The following ATP2A3 variants were observed in gnomAD, a reference collection of about 807,000 sequenced individuals.
ATP2A3 encodes sarcoplasmic/endoplasmic reticulum calcium ATPase 3.
Under a neutral mutation model 106.8 loss-of-function variants are expected in ATP2A3, and 61 were observed. The observed-to-expected ratio is 0.57, with a 90% CI of 0.46 to 0.71. The LOEUF (loss-of-function observed/expected upper bound fraction) is 0.71, where lower values mean the gene tolerates loss of function less well. Among genes scored for constraint, ATP2A3 ranks in the 30% least tolerant of loss-of-function variants. ATP2A3 has a pLI of 0.00. For missense variants in ATP2A3, 1,201 were observed against 1,423.5 expected (o/e 0.84, Z 2.52); for synonymous variants, 611 against 609.3 (o/e 1.00, Z -0.04).
At position 3,958,655 on chromosome 17, in the gene ATP2A3, G is replaced by A. The variant is rs117437983; in HGVS notation, c.119-4945C>T. Among the ~76,000 whole-genome samples, 575 of 151,070 alleles carry A rather than the reference G, an allele frequency of 3.8e-3. 1 individual carries two copies. The highest frequency in any genetic ancestry group is 0.02 in the South Asian group (95 of 4,766). ...ATTGTACACAATTATGGGGTCCAGC[G>A]TGATGTGTTGATAATCCCGTTTTGC... On this transcript the variant is annotated intron_variant, in intron 1 of 20. Transcript: ENST00000397041.
chr17:3,931,978 C>T lies in ATP2A3; in HGVS notation c.2611-1544G>A, dbSNP rs540153136. ...ATGCAGATAAGGCCACTCTGAGTAT[C>T]GTTTCTCCTCTCTCGTGCAGGAAGA... On this transcript the variant is annotated intron_variant, in intron 17 of 20. Transcript: ENST00000397041. Among the ~76,000 whole-genome samples the T allele has an allele frequency of 5.6e-4, 86 of 152,256 alleles. No homozygotes were observed. In the South Asian group the frequency reaches 0.017, roughly 31 times the overall value.
At position 3,936,721 on chromosome 17, in the gene ATP2A3, TACACACACACACACAC is replaced by T. The variant is rs57648128; in HGVS notation, c.2322-268_2322-253del. The T allele has an allele frequency of 3.2e-5, 13 of 407,238 alleles. No homozygotes were observed. Among genetic ancestry groups the T allele is most frequent in the South Asian group, 9.5e-5 (4 of 41,922 alleles). The allele number at this position is 407,238 out of a possible 1,614,324, so 25.2% of individuals were successfully genotyped here. A position where few individuals can be genotyped will look rare whatever the true frequency, so the allele number is the denominator to read the frequency against. ...CTCTTTAGGCCTAGCAGAGGCCAAG[TACACACACACACACAC>T]ACACACACACACACACACGCACACG... On this transcript the variant is annotated intron_variant, in intron 15 of 20. Coordinates refer to ENST00000397041, the MANE Select transcript of ATP2A3 (RefSeq NM_005173.4). This position sits in a 1 kb window ranked among gnomAD's most constrained non-coding sequence, Gnocchi z 5.4.
rs375810247 is a variant in ATP2A3, at chr17:3,947,682, G to A, written c.804C>T (p.Cys268=). Residue 268 remains cysteine, a synonymous_variant, in exon 8 of 21, where the codon TGC becomes TGT. Coordinates refer to ENST00000397041, the MANE Select transcript of ATP2A3 (RefSeq NM_005173.4). The surrounding 1 kb of genome is among the most constrained non-coding windows in gnomAD (Gnocchi z 7.7). ...RQLSHAISVI[C]VAVWVINIGH... ...CGATGTTGATGACCCACACGGCCAC[G>A]CAGATCACAGAGATGGCGTGGGACA... 543 of 1,611,996 alleles carry A rather than the reference G, an allele frequency of 3.4e-4. No individual in the cohort carries two copies. Among genetic ancestry groups the A allele is most frequent in the Middle Eastern group, 9.9e-4 (6 of 6,062 alleles).
chr17:3,963,618 C>G (rs1021196620), intron 1 of ATP2A3, among the ~76,000 whole-genome samples: 1 of 152,296 alleles, frequency 6.6e-6, no homozygotes, highest in African/African-American at 2.4e-5. Context: ...AAGCCCCCAC[C>G]GACTCCGCCA....
chr17:3,938,751 G>A (rs917027152), intron 14 of ATP2A3, among the ~76,000 whole-genome samples: 1 of 152,022 alleles, frequency 6.6e-6, no homozygotes. Context: ...TGACTAGGCT[G>A]GTCTCAAACT....
Position 3,964,197 on chromosome 17 carries a change from G to A in ATP2A3, c.95C>T (p.Ala32Val), listed in dbSNP as rs1315541007. ...GGLSPAQVTG[A>V]RERYGPNELP... ...ACCGTTGGGGCCGTAGCGCTCCCGC[G>A]CGCCGGTCACCTGCGCCGGGCTCAG... The change falls in exon 1 of 21, where the codon GCG (alanine) becomes GTG (valine). Residue 32 changes from alanine to valine, a missense_variant. Transcript: ENST00000397041. The A allele has an allele frequency of 4.0e-6, 5 of 1,244,046 alleles. No individual in the cohort carries two copies. The highest frequency in any genetic ancestry group is 3.9e-5 in the South Asian group (2 of 50,952). The allele number at this position is 1,244,046 out of a possible 1,614,324, so 77.1% of individuals were successfully genotyped here.
In ATP2A3 at chr17:3,937,589, G is replaced by A. The variant is rs148008479; in HGVS notation, c.2148C>T (p.Ile716=). ...CCGTGCCTGAGCCCATGGCGATGCC[G>A]ATCTCTGCTTTCTTCAGGGCTGGTG... ...NDAPALKKAE[I]GIAMGSGTAV... Residue 716 remains isoleucine, a synonymous_variant, in exon 15 of 21, where the codon ATC becomes ATT. Transcript: ENST00000397041. 6.7e-3 allele frequency: 10,850 copies of A among 1,614,072 alleles called. 77 individuals carry two copies. Among genetic ancestry groups the A allele is most frequent in the Non-Finnish European group, 6.6e-3 (7,790 of 1,180,026 alleles).
chr17:3,924,522 C>A lies in ATP2A3; in HGVS notation c.*900G>T. 1 of 334,638 alleles carries A rather than the reference C, an allele frequency of 3.0e-6. No homozygotes were observed. Among genetic ancestry groups the A allele is most frequent in the Admixed American group, 3.9e-5 (1 of 25,324 alleles). The allele number at this position is 334,638 out of a possible 1,614,324, so 20.7% of individuals were successfully genotyped here. On this transcript the variant is annotated 3_prime_UTR_variant, in exon 21 of 21. Coordinates refer to ENST00000397041, the MANE Select transcript of ATP2A3 (RefSeq NM_005173.4). This position sits in a 1 kb window ranked among gnomAD's most constrained non-coding sequence, Gnocchi z 6.4. ...GACAGCGCGGCGGCCGCACACTGGG[C>A]TGGGTAGAAGGGCGCCACGGTCAGG...
At chr17:3,932,502 C>T (rs988968006) in intron 17 of ATP2A3, among the ~76,000 whole-genome samples, 15 of 152,174 alleles carry the variant, frequency 9.9e-5, no homozygotes, top group African/African-American at 3.6e-4. Flanking sequence ...TGCAGTGGCA[C>T]GATCTCAGCT....
chr17:3,947,529 C>T lies in ATP2A3; in HGVS notation c.957G>A (p.Leu319=). ...GTGCCATGCGCCGCGTGCCCAGTGC[C>T]AGGCATGTAGTGATGACAGCCGGGA... is the stretch of plus-strand genomic sequence containing the variant. ...EGLPAVITTC[L]ALGTRRMARK... The change falls in exon 8 of 21, where the codon CTG becomes CTA. Residue 319 remains leucine (L), a synonymous_variant. Transcript: ENST00000397041. The surrounding 1 kb of genome is among the most constrained non-coding windows in gnomAD (Gnocchi z 7.7). 1 of 1,613,352 alleles carries T rather than the reference C, an allele frequency of 6.2e-7. No homozygotes were observed. The highest frequency in any genetic ancestry group is 1.6e-4 in the Middle Eastern group (1 of 6,062).
At chr17:3,944,666 T>C in intron 10 of ATP2A3, 38 bp downstream of exon 10, 1 of 1,598,452 alleles carries the variant, frequency 6.3e-7, no homozygotes, top group Non-Finnish European at 8.5e-7. Flanking sequence ...CCTGGTCGCC[T>C]GGATACTAGG....
chr17:3,936,432 G>A lies in ATP2A3; in HGVS notation c.2359C>T (p.Leu787=), dbSNP rs954934103. 3 of 1,614,020 alleles carry A rather than the reference G, an allele frequency of 1.9e-6. No individual in the cohort carries two copies. The highest frequency in any genetic ancestry group is 2.7e-5 in the African/African-American group (2 of 74,928). Residue 787 remains leucine, a synonymous_variant, in exon 16 of 21, where the codon CTG becomes TTG. Transcript: ENST00000397041. The surrounding 1 kb of genome is among the most constrained non-coding windows in gnomAD (Gnocchi z 5.4). ...ACCCAGAGCAGCTGCACAGGGATCA[G>A]GGCTTCGGGCAGGCCCAGAATTGCC... ...LTAILGLPEA[L]IPVQLLWVNL...
chr17:3,948,998 T>G (rs1223726697), intron 7 of ATP2A3, among the ~76,000 whole-genome samples: 2 of 151,816 alleles, frequency 1.3e-5, no homozygotes, highest in Non-Finnish European at 2.9e-5. Context: ...CACGGTGGTG[T>G]GTGCTTGTAA....
At position 3,925,575 on chromosome 17, in the gene ATP2A3, C is replaced by T. The variant is rs755353270; in HGVS notation, c.2981-134G>A. 8.9e-6 allele frequency: 10 copies of T among 1,125,350 alleles called. No homozygotes were observed. The African/African-American group carries it at 1.4e-4, about 16-fold the overall frequency. The allele number at this position is 1,125,350 out of a possible 1,614,324, so 69.7% of individuals were successfully genotyped here. A position where few individuals can be genotyped will look rare whatever the true frequency, so the allele number is the denominator to read the frequency against. On this transcript the variant is annotated intron_variant, in intron 20 of 20. Transcript: ENST00000397041. The surrounding 1 kb of genome is among the most constrained non-coding windows in gnomAD (Gnocchi z 4.2). Reference sequence around the variant, plus strand: ...CTCCCAAGGCCTCCCTTAGTCCAGACCTCAGTCTACCCCAGCCCCACCGGA... The same window carrying T: ...CTCCCAAGGCCTCCCTTAGTCCAGATCTCAGTCTACCCCAGCCCCACCGGA...
chr17:3,959,489 G>C (rs928065223), intron 1 of ATP2A3, among the ~76,000 whole-genome samples: 1 of 152,210 alleles, frequency 6.6e-6, no homozygotes, highest in Non-Finnish European at 1.5e-5. Context: ...CCAGAGCCAG[G>C]GAGAAGGGGG....
rs1224459385 is a variant in ATP2A3 at position 3,941,650 on chromosome 17, G to A, written c.1550C>T (p.Ala517Val). The A allele has an allele frequency of 6.2e-7, 1 of 1,606,784 alleles. No individual in the cohort carries two copies. The highest frequency in any genetic ancestry group is 8.5e-7 in the Non-Finnish European group (1 of 1,179,956). The part of the protein sequence containing the change: ...GQGSKMFVKG[A>V]PESVIERCSS... ...ACAGCGCTCGATCACACTCTCAGGA[G>A]CCCCCTGCGAGGTGGGGAGAGGGAG... is the stretch of plus-strand genomic sequence containing the variant. Residue 517 changes from alanine to valine, a missense_variant, in exon 13 of 21, where the codon GCT becomes GTT. Coordinates refer to ENST00000397041, the MANE Select transcript of ATP2A3 (RefSeq NM_005173.4).
Position 3,928,307 on chromosome 17 carries a change from G to A in ATP2A3, c.2980+356C>T, listed in dbSNP as rs758748246. 1.9e-6 allele frequency: 3 copies of A among 1,613,078 alleles called. No individual in the cohort carries two copies. The highest frequency in any genetic ancestry group is 1.1e-5 in the South Asian group (1 of 91,080). On this transcript the variant is annotated intron_variant, in intron 20 of 20. Transcript: ENST00000397041. This position sits in a 1 kb window ranked among gnomAD's most constrained non-coding sequence, Gnocchi z 6.1. ...CTCCAGGCCTGCGAGACTGTCCTGA[G>A]AAGGCCTGGATAAAGACAGGCTGGG...
intron 8 of ATP2A3, 130 bp from the exon 9 acceptor site, chr17:3,945,278 GC>G: frequency 1.3e-6 from 1 of 786,898 alleles, no homozygotes; most frequent in Non-Finnish European, 2.0e-6. Flanking sequence ...GGCCGTCCGT[GC>G]CCACCAGGAG....
chr17:3,936,432 G>C lies in ATP2A3; in HGVS notation c.2359C>G (p.Leu787Val). ...LTAILGLPEA[L>V]IPVQLLWVNL... ...ACCCAGAGCAGCTGCACAGGGATCA[G>C]GGCTTCGGGCAGGCCCAGAATTGCC... Residue 787 changes from leucine to valine, a missense_variant, in exon 16 of 21, where the codon CTG (leucine) becomes GTG (valine). Around this residue, in one of 2 missense-constraint regions of ATP2A3, gnomAD observed 935 missense variants for 1,176.7 expected, o/e 0.79. Coordinates refer to ENST00000397041, the MANE Select transcript of ATP2A3 (RefSeq NM_005173.4). This position sits in a 1 kb window ranked among gnomAD's most constrained non-coding sequence, Gnocchi z 5.4. 1 of 1,614,138 alleles carries C rather than the reference G, an allele frequency of 6.2e-7. No homozygotes were observed. Among genetic ancestry groups the C allele is most frequent in the South Asian group, 1.1e-5 (1 of 91,076 alleles).
Sources: allele counts gnomAD v4.1 joint callset (sites outside exome capture counted in the v4.1 genomes callset), GRCh38; gene constraint gnomAD v4.1.1; regional missense constraint gnomAD v4.1.1; non-coding constraint Gnocchi (gnomAD v3.1); transcripts MANE v1.5; gene names NCBI Gene and HGNC (gene_info 2026-07-23, HGNC 2026-07-21).